RTN1: variants seen among roughly 807,000 people sequenced by gnomAD.
RTN1 encodes the protein reticulon-1.
Under a neutral mutation model 65.5 loss-of-function variants are expected in RTN1, and 25 were observed. The ratio of observed to expected loss-of-function variants is 0.38; its 90% CI spans 0.28 to 0.53. RTN1 has a LOEUF of 0.53. Among genes scored for constraint, RTN1 ranks in the 20% least tolerant of loss-of-function variants. The probability of loss-of-function intolerance (pLI) is 0.79; values close to 1 mark genes in which losing one functional copy is unlikely to be tolerated. For synonymous variants in RTN1, 471 were observed against 447.6 expected, an observed-to-expected ratio of 1.05 and a Z score of -0.66; for missense variants, 983 against 1,025.4, an observed-to-expected ratio of 0.96 and a Z score of 0.57.
At chr14:59,640,717 T>C (rs1882759086) in intron 3 of RTN1, among the ~76,000 whole-genome samples, 1 of 152,218 alleles carries the variant, frequency 6.6e-6, no homozygotes, top group Admixed American at 6.5e-5. Flanking sequence ...GCCATGTCCC[T>C]TCTTTCATTT....
chr14:59,864,173 C>T (rs992325436), intron 1 of RTN1, among the ~76,000 whole-genome samples: 1 of 152,148 alleles, frequency 6.6e-6, no homozygotes, highest in Non-Finnish European at 1.5e-5. Context: ...AAAGCTGTTA[C>T]AAGGGCCTAT....
chr14:59,735,503 C>G (rs760080597), intron 2 of RTN1, among the ~76,000 whole-genome samples: 2 of 152,096 alleles, frequency 1.3e-5, no homozygotes, highest in Non-Finnish European at 2.9e-5. Context: ...ATCTCACATG[C>G]AAAGACATAT....
chr14:59,691,660 A>G (rs1392777589), intron 3 of RTN1, among the ~76,000 whole-genome samples: 2 of 152,186 alleles, frequency 1.3e-5, no homozygotes, highest in Non-Finnish European at 2.9e-5. Context: ...AATATTACTG[A>G]TAAACATAGA....
intron 3 of RTN1, among the ~76,000 whole-genome samples, chr14:59,702,645 T>C (rs571457752): frequency 6.6e-6 from 1 of 152,314 alleles, no homozygotes; most frequent in South Asian, 2.1e-4. Context: ...TTTTCACTAC[T>C]GCCACTACTA....
At chr14:59,736,093 G>T (rs1174031208) in intron 2 of RTN1, among the ~76,000 whole-genome samples, 2 of 152,084 alleles carry the variant, frequency 1.3e-5, no homozygotes, top group Non-Finnish European at 2.9e-5. Flanking sequence ...AAGCTAGAAA[G>T]ATCTTAAGTT....
intron 3 of RTN1, among the ~76,000 whole-genome samples, chr14:59,689,266 A>G (rs988096916): frequency 5.3e-5 from 8 of 152,230 alleles, no homozygotes; most frequent in African/African-American, 1.9e-4. Flanking sequence ...AAAATAAAAA[A>G]GGTAATTTTA....
chr14:59,627,061 T>A (rs188887403), intron 3 of RTN1, among the ~76,000 whole-genome samples: 98 of 152,258 alleles, frequency 6.4e-4, no homozygotes, highest in Non-Finnish European at 1.2e-3. Flanking sequence ...GCCAAGAGAA[T>A]CACCTTTTAC....
At chr14:59,702,399 G>A (rs1252855317) in intron 3 of RTN1, among the ~76,000 whole-genome samples, 1 of 152,130 alleles carries the variant, frequency 6.6e-6, no homozygotes, top group Non-Finnish European at 1.5e-5. Context: ...AACTTTTAAA[G>A]TCCATTTTAA....
rs919865001 is a variant in RTN1, at chr14:59,868,182, G to C, written c.241+2208C>G. 6.6e-6 allele frequency among the ~76,000 whole-genome samples: 1 copy of C among 152,108 alleles called. No individual in the cohort carries two copies. Among genetic ancestry groups the C allele is most frequent in the African/African-American group, 2.4e-5 (1 of 41,414 alleles). ...TATTTATACAGCATTTCTGGCGTTT[G>C]AGTCTCTTATAGCAGCACATCCGGT... On this transcript the variant is annotated intron_variant, in intron 1 of 8. Transcript: ENST00000267484. The surrounding 1 kb of genome is among the most constrained non-coding windows in gnomAD (Gnocchi z 4.0).
intron 3 of RTN1, among the ~76,000 whole-genome samples, chr14:59,611,055 C>G (rs1450398213): frequency 3.3e-5 from 5 of 152,210 alleles, no homozygotes; most frequent in Admixed American, 3.3e-4. Context: ...CCTGAATGCT[C>G]AGAGAGACTG....
chr14:59,637,029 A>T (rs939856582), intron 3 of RTN1, among the ~76,000 whole-genome samples: 3 of 152,136 alleles, frequency 2.0e-5, no homozygotes, highest in African/African-American at 7.2e-5. Context: ...TGCCACATTG[A>T]TTGATTCTTC....
At chr14:59,597,533 G>C (rs1049806230) in intron 8 of RTN1, among the ~76,000 whole-genome samples, 3 of 152,230 alleles carry the variant, frequency 2.0e-5, no homozygotes, top group Non-Finnish European at 4.4e-5. Context: ...TGTGCCATGA[G>C]GTACCCTTCC....
chr14:59,794,017 T>C lies in RTN1; in HGVS notation c.242-47536A>G, dbSNP rs1886398048. On this transcript the variant is annotated intron_variant, in intron 1 of 8. Coordinates refer to ENST00000267484, the MANE Select transcript of RTN1 (RefSeq NM_021136.3). This position sits in a 1 kb window ranked among gnomAD's most constrained non-coding sequence, Gnocchi z 5.1. ...TGCCTCCTAGCACCCATTACACTCC[T>C]CTCCCACTGAGTACCGGCCATGAAT... Among the ~76,000 whole-genome samples the C allele has an allele frequency of 6.6e-6, 1 of 152,046 alleles. No individual in the cohort carries two copies. Among genetic ancestry groups the C allele is most frequent in the Non-Finnish European group, 1.5e-5 (1 of 68,008 alleles).
chr14:59,649,436 C>T (rs1687132613), intron 3 of RTN1, among the ~76,000 whole-genome samples: 1 of 152,150 alleles, frequency 6.6e-6, no homozygotes, highest in Admixed American at 6.6e-5. Flanking sequence ...AGGGCTTCTT[C>T]ACAGCAAAAT....
At chr14:59,747,374 C>A (rs939325574) in intron 1 of RTN1, among the ~76,000 whole-genome samples, 9 of 152,222 alleles carry the variant, frequency 5.9e-5, no homozygotes, top group Admixed American at 2.0e-4. Flanking sequence ...CTTTGGGAGG[C>A]CGAGGCAGGC....
intron 3 of RTN1, among the ~76,000 whole-genome samples, chr14:59,632,657 C>T (rs10147258): frequency 0.37 from 56,835 of 151,962 alleles, 10,923 homozygotes; most frequent in Admixed American, 0.46. Context: ...CGGGAAACAG[C>T]GTGTACTGCC....
chr14:59,673,838 T>A (rs902360796), intron 3 of RTN1, among the ~76,000 whole-genome samples: 1 of 152,216 alleles, frequency 6.6e-6, no homozygotes, highest in African/African-American at 2.4e-5. Context: ...CCTGTCTGTC[T>A]ATCTGACAGA....
intron 1 of RTN1, among the ~76,000 whole-genome samples, chr14:59,841,665 C>T (rs1397403350): frequency 6.6e-6 from 1 of 150,770 alleles, no homozygotes; most frequent in Non-Finnish European, 1.5e-5. Flanking sequence ...CAAGATTGTG[C>T]CATTGCACTC....
At chr14:59,859,302 T>G (rs888612830) in intron 1 of RTN1, among the ~76,000 whole-genome samples, 1 of 152,166 alleles carries the variant, frequency 6.6e-6, no homozygotes, top group African/African-American at 2.4e-5. Context: ...GATAGCGAGA[T>G]CTGATGGTTT....
Sources: allele counts gnomAD v4.1 joint callset (sites outside exome capture counted in the v4.1 genomes callset), GRCh38; gene constraint gnomAD v4.1.1; non-coding constraint Gnocchi (gnomAD v3.1); transcripts MANE v1.5; gene names NCBI Gene and HGNC (gene_info 2026-07-23, HGNC 2026-07-21).